The following DENND4C variants were observed in gnomAD, a reference collection of about 807,000 sequenced individuals.
DENND4C encodes the protein DENN domain-containing protein 4C.
DENND4C carries 108 observed loss-of-function variants against 203.0 expected under a neutral mutation model. That is an observed-to-expected ratio of 0.53 (90% confidence interval 0.46 to 0.62). DENND4C has a LOEUF of 0.62. DENND4C is among the 20% of genes least tolerant of loss of function. The probability of loss-of-function intolerance (pLI) is 0.00; values close to 1 mark genes in which losing one functional copy is unlikely to be tolerated. For synonymous variants in DENND4C, 871 were observed against 792.4 expected, an observed-to-expected ratio of 1.10 and a Z score of -1.67; for missense variants, 2,481 against 2,301.2, an observed-to-expected ratio of 1.08 and a Z score of -1.60.
rs748989607 is a variant in DENND4C at position 19,326,069 on chromosome 9, T to A, written c.1995T>A (p.Asp665Glu). 19 of 1,608,310 alleles carry A rather than the reference T, an allele frequency of 1.2e-5. No homozygotes were observed. The East Asian group carries it at 1.3e-4, about 11-fold the overall frequency. The change falls in exon 15 of 33, where the codon GAT becomes GAA. Residue 665 changes from aspartate (D) to glutamate (E), a missense_variant. Transcript: ENST00000434457. Reference protein sequence around the residue: ...DKGTEKTDKVDFDSAEDTRLI... With the variant: ...DKGTEKTDKVEFDSAEDTRLI... ...GGAAAAATAATGATTTTCAGGTTGATTTTGATTCAGCAGAAGATACCAGAT... is the reference window on the plus strand; with the variant it reads ...GGAAAAATAATGATTTTCAGGTTGAATTTGATTCAGCAGAAGATACCAGAT...
chr9:19,238,420 T>C (rs1822585559), intron 1 of DENND4C, among the ~76,000 whole-genome samples: 2 of 149,014 alleles, frequency 1.3e-5, no homozygotes, highest in Admixed American at 1.3e-4. Context: ...TCCTTAGAGA[T>C]ATAGGAACTA....
At chr9:19,283,718 C>T (rs557959044) in intron 2 of DENND4C, among the ~76,000 whole-genome samples, 2 of 151,254 alleles carry the variant, frequency 1.3e-5, no homozygotes, top group Non-Finnish European at 3.0e-5. Flanking sequence ...CCCCCACCCC[C>T]GCCAGTAGCT....
At chr9:19,322,609 G>A (rs562633685) in intron 12 of DENND4C, among the ~76,000 whole-genome samples, 4 of 151,796 alleles carry the variant, frequency 2.6e-5, no homozygotes, top group South Asian at 4.2e-4. Flanking sequence ...GGTGGCGGGC[G>A]CCTGTAGTCC....
At chr9:19,298,385 A>G (rs1355908818) in intron 7 of DENND4C, among the ~76,000 whole-genome samples, 1 of 152,186 alleles carries the variant, frequency 6.6e-6, no homozygotes, top group East Asian at 1.9e-4. Context: ...GCTAGTTTTA[A>G]TAACATAAAA....
intron 2 of DENND4C, among the ~76,000 whole-genome samples, chr9:19,285,907 G>C (rs1389962507): frequency 2.6e-5 from 4 of 152,040 alleles, no homozygotes; most frequent in African/African-American, 9.7e-5. Flanking sequence ...ATTTTATTCT[G>C]TTGATCTATA....
intron 1 of DENND4C, among the ~76,000 whole-genome samples, chr9:19,266,830 G>A (rs1419562878): frequency 2.0e-5 from 3 of 152,190 alleles, no homozygotes; most frequent in East Asian, 3.8e-4. Flanking sequence ...ATTAATTCAA[G>A]ATGGATTAAA....
chr9:19,274,451 G>A (rs10118131), intron 1 of DENND4C, among the ~76,000 whole-genome samples: 126,075 of 152,070 alleles, frequency 0.83, 52,418 homozygotes, highest in East Asian at 0.99. Context: ...ATGCGCCACC[G>A]CACCCAGCTA....
chr9:19,275,188 G>T (rs1162881250), intron 1 of DENND4C, among the ~76,000 whole-genome samples: 5 of 151,642 alleles, frequency 3.3e-5, no homozygotes, highest in African/African-American at 1.2e-4. Context: ...ATGTTAGCCA[G>T]GCTGGTGTCA....
intron 7 of DENND4C, 84 bp from the exon 8 acceptor site, chr9:19,299,145 A>G (rs1838044650): frequency 3.1e-6 from 3 of 972,446 alleles, no homozygotes; most frequent in South Asian, 1.7e-5. Context: ...ATCTAAATAT[A>G]TAGATTTCAA....
At chr9:19,267,670 A>G (rs933648599) in intron 1 of DENND4C, among the ~76,000 whole-genome samples, 1 of 151,970 alleles carries the variant, frequency 6.6e-6, no homozygotes, top group Non-Finnish European at 1.5e-5. Context: ...CCAAGTAGCT[A>G]GGACTACAGG....
intron 1 of DENND4C, among the ~76,000 whole-genome samples, chr9:19,258,973 G>A (rs1275263711): frequency 1.3e-5 from 2 of 151,962 alleles, no homozygotes; most frequent in Non-Finnish European, 2.9e-5. Flanking sequence ...AAGTTTTTAT[G>A]GGTACATAGT....
intron 10 of DENND4C, among the ~76,000 whole-genome samples, chr9:19,307,351 C>A (rs537196307): frequency 6.7e-6 from 1 of 149,228 alleles, no homozygotes; most frequent in Admixed American, 6.7e-5. Flanking sequence ...CCCATGTTGA[C>A]CCACTGCACT....
intron 30 of DENND4C, among the ~76,000 whole-genome samples, chr9:19,363,501 CA>C (rs964066774): frequency 9.5e-5 from 14 of 147,794 alleles, no homozygotes; most frequent in Admixed American, 4.7e-4. Flanking sequence ...GACTCCATCT[CA>C]AAAAAAAAAT....
rs376317474 is a variant in DENND4C at position 19,288,710 on chromosome 9, T to A, written c.628+45T>A. 2.8e-4 allele frequency: 296 copies of A among 1,065,878 alleles called. 2 individuals carry two copies. The South Asian group carries it at 0.012, about 45-fold the overall frequency. The allele number at this position is 1,065,878 out of a possible 1,614,324, so 66.0% of individuals were successfully genotyped here. On this transcript the variant is annotated intron_variant, in intron 4 of 32. Coordinates refer to ENST00000434457, the MANE Select transcript of DENND4C (RefSeq NM_001330640.2). ...TTGTCTCAATTGCTATAGTTATTGG[T>A]GCATATTAACATTTGGCTAAAAGAG...
intron 1 of DENND4C, among the ~76,000 whole-genome samples, chr9:19,275,920 C>T (rs902289358): frequency 6.6e-6 from 1 of 152,078 alleles, no homozygotes; most frequent in Non-Finnish European, 1.5e-5. Flanking sequence ...GTTTAATTAT[C>T]CTTAATAGAA....
At chr9:19,288,529 G>A (rs1192275932) in intron 3 of DENND4C, 67 bp from the exon 4 acceptor site, 1 of 946,332 alleles carries the variant, frequency 1.1e-6, no homozygotes, top group Non-Finnish European at 1.4e-6. Context: ...TCTTTAGTTG[G>A]TATCCAACAA....
In DENND4C at chr9:19,305,441, A is replaced by G; in HGVS notation, c.1401A>G (p.Ile467Met). 6.2e-7 allele frequency: 1 copy of G among 1,613,970 alleles called. No individual in the cohort carries two copies. The highest frequency in any genetic ancestry group is 2.2e-5 in the East Asian group (1 of 44,850). ...AAVLSAPLPF[I>M]VGVDSRYFDL... ...TGCTTAGTGCACCTTTACCATTTATAGTTGGAGTTGACTCAAGGTATTTTG... is the reference window on the plus strand; with the variant it reads ...TGCTTAGTGCACCTTTACCATTTATGGTTGGAGTTGACTCAAGGTATTTTG... Residue 467 changes from isoleucine to methionine, a missense_variant, in exon 10 of 33, where the codon ATA becomes ATG. Ile to Met is a conservative substitution (Grantham distance 10). Coordinates refer to ENST00000434457, the MANE Select transcript of DENND4C (RefSeq NM_001330640.2).
At chr9:19,263,511 C>T (rs1253146439) in intron 1 of DENND4C, among the ~76,000 whole-genome samples, 1 of 151,768 alleles carries the variant, frequency 6.6e-6, no homozygotes, top group Non-Finnish European at 1.5e-5. Context: ...CGTGCGCCAC[C>T]GTGCCCTGCT....
intron 1 of DENND4C, among the ~76,000 whole-genome samples, chr9:19,255,068 C>T (rs928574684): frequency 1.3e-5 from 2 of 152,038 alleles, no homozygotes; most frequent in African/African-American, 4.8e-5. Flanking sequence ...CACTTGAACC[C>T]CGCTGGGGTG....
Sources: gnomAD v4.1 joint callset for allele counts (sites outside exome capture counted in the v4.1 genomes callset) on GRCh38, gnomAD v4.1.1 for gene constraint, MANE v1.5 for transcripts, NCBI Gene and HGNC (gene_info 2026-07-23, HGNC 2026-07-21) for gene names.